The following CRYBG1 variants were observed in gnomAD, a reference collection of about 807,000 sequenced individuals.
The protein encoded by CRYBG1 is crystallin beta-gamma domain containing 1.
CRYBG1 carries 139 observed loss-of-function variants against 189.2 expected under a neutral mutation model. That is an observed-to-expected ratio of 0.73 (90% CI 0.64 to 0.85). CRYBG1 has a LOEUF of 0.85. Ranked by LOEUF, CRYBG1 falls within the 40% of genes least tolerant of loss-of-function variation. The pLI is 0.00. For synonymous variants in CRYBG1, 1,023 were observed against 1,017.1 expected (o/e 1.01, Z -0.11); for missense variants, 2,611 against 2,675.8 (o/e 0.98, Z 0.53).
In CRYBG1 at chr6:106,519,649, A is replaced by G. The variant is rs1364238821; in HGVS notation, c.2441A>G (p.Glu814Gly). 3 of 1,614,032 alleles carry G rather than the reference A, an allele frequency of 1.9e-6. No individual in the cohort carries two copies. The Admixed American group carries it at 5.0e-5, about 27-fold the overall frequency. ...CCTGTCAAGGATCATAAGCTCTTAG[A>G]GAAGGAGGACTCAGAGGCTGCAGAC... ...LIPVKDHKLL[E>G]KEDSEAADSK... The change falls in exon 4 of 22, where the codon GAG becomes GGG. Residue 814 changes from glutamate (E) to glycine (G), a missense_variant. Coordinates refer to ENST00000633556, the MANE Select transcript of CRYBG1 (RefSeq NM_001371242.2).
intron 1 of CRYBG1, among the ~76,000 whole-genome samples, chr6:106,363,592 G>A (rs1771922187): frequency 2.0e-5 from 3 of 152,144 alleles, no homozygotes; most frequent in Admixed American, 2.0e-4. Context: ...GGAAGTGATG[G>A]AATTTGGCTG....
chr6:106,564,050 C>T, intron 21 of CRYBG1, 124 bp downstream of exon 21: 1 of 1,037,100 alleles, frequency 9.6e-7, no homozygotes, highest in South Asian at 1.6e-5. Flanking sequence ...AGAGCCCCTA[C>T]TGTGTGCCAG....
Position 106,561,363 on chromosome 6 carries a change from C to T in CRYBG1, c.6001C>T (p.Arg2001Ter), listed in dbSNP as rs905650846. The T allele has an allele frequency of 8.1e-6, 13 of 1,613,534 alleles. No individual in the cohort carries two copies. The highest frequency in any genetic ancestry group is 2.2e-5 in the East Asian group (1 of 44,888). ...CTAGAAGCGAATTTATTTCAGACTT[C>T]GAAACAAAGCAACAGGGTTATTCAT... ...FVQKRIYFRLRNKATGLFMST... is the reference protein window; with the variant it reads ...FVQKRIYFRL Residue 2001 changes from arginine (R) to a stop codon, truncating the protein, a stop_gained, in exon 20 of 22, where the codon CGA becomes TGA. Coordinates refer to ENST00000633556, the MANE Select transcript of CRYBG1 (RefSeq NM_001371242.2). LOFTEE classifies it high-confidence loss of function.
At chr6:106,411,976 T>G (rs1190242865) in intron 1 of CRYBG1, among the ~76,000 whole-genome samples, 1 of 152,244 alleles carries the variant, frequency 6.6e-6, no homozygotes, top group Admixed American at 6.5e-5. Context: ...TGGCAGCCAA[T>G]TGGATGGTGT....
intron 1 of CRYBG1, among the ~76,000 whole-genome samples, chr6:106,432,004 C>G (rs558909171): frequency 6.6e-6 from 1 of 152,150 alleles, no homozygotes; most frequent in East Asian, 1.9e-4. Flanking sequence ...TGGGTAGGAC[C>G]CTGTTTTAGT....
At chr6:106,426,503 A>G (rs4946750) in intron 1 of CRYBG1, among the ~76,000 whole-genome samples, 78,319 of 152,006 alleles carry the variant, frequency 0.52, 20,552 homozygotes, top group East Asian at 0.75. Context: ...ACCCACTCCA[A>G]TTGGGCTCCT....
chr6:106,390,763 G>A (rs1227170747), intron 1 of CRYBG1, among the ~76,000 whole-genome samples: 1 of 152,046 alleles, frequency 6.6e-6, no homozygotes, highest in Non-Finnish European at 1.5e-5. Context: ...TTATTGCTAT[G>A]TAATATTTTA....
At chr6:106,534,857 C>T (rs898893) in intron 8 of CRYBG1, among the ~76,000 whole-genome samples, 67,216 of 151,544 alleles carry the variant, frequency 0.44, 15,483 homozygotes, top group South Asian at 0.53. Context: ...ATATTTATGA[C>T]GAACAAAAGC....
At chr6:106,466,781 C>T (rs775282238) in intron 2 of CRYBG1, among the ~76,000 whole-genome samples, 2 of 152,110 alleles carry the variant, frequency 1.3e-5, no homozygotes, top group Non-Finnish European at 2.9e-5. Context: ...GAGAATGGTA[C>T]AGAAAGGAAC....
chr6:106,493,405 G>A (rs1772768464), intron 2 of CRYBG1, among the ~76,000 whole-genome samples: 1 of 152,162 alleles, frequency 6.6e-6, no homozygotes, highest in Non-Finnish European at 1.5e-5. Context: ...AATATAAAAT[G>A]GTGCAGCTAC....
chr6:106,446,495 A>G (rs1771666609), intron 1 of CRYBG1, among the ~76,000 whole-genome samples: 1 of 152,368 alleles, frequency 6.6e-6, no homozygotes, highest in Middle Eastern at 3.4e-3. Flanking sequence ...GCATCAATTT[A>G]TAACTTATAA....
intron 2 of CRYBG1, among the ~76,000 whole-genome samples, chr6:106,456,585 T>G (rs1009008772): frequency 1.3e-5 from 2 of 152,244 alleles, no homozygotes; most frequent in African/African-American, 4.8e-5. Flanking sequence ...AAACATTGGT[T>G]GAGGTAGCAG....
At chr6:106,455,923 AGTAACTCTAAT>A (rs997215597) in intron 2 of CRYBG1, among the ~76,000 whole-genome samples, 1 of 152,124 alleles carries the variant, frequency 6.6e-6, no homozygotes, top group African/African-American at 2.4e-5. Context: ...TCAAAACAAA[AGTAACTCTAAT>A]CTATAGACTA....
chr6:106,442,948 C>T lies in CRYBG1; in HGVS notation c.174-8746C>T, dbSNP rs114323126. Among the ~76,000 whole-genome samples, 396 of 152,276 alleles carry T rather than the reference C, an allele frequency of 2.6e-3. 2 individuals are homozygous for T. The highest frequency in any genetic ancestry group is 9.0e-3 in the African/African-American group (372 of 41,556). ...TGAAGTTAGGGCTTTATTCTGTAGACAGTGCTGAGCTATCTGTTGGTTTTC... is the reference window on the plus strand; with the variant it reads ...TGAAGTTAGGGCTTTATTCTGTAGATAGTGCTGAGCTATCTGTTGGTTTTC... On this transcript the variant is annotated intron_variant, in intron 1 of 21. Transcript: ENST00000633556.
chr6:106,512,964 C>T lies in CRYBG1; in HGVS notation c.1847C>T (p.Ala616Val), dbSNP rs969865981. ...GGCAGAGCGGCCGGAGCGCCTGGAGCTTCTGACGCCGACGGCTTGAAGCCC... is the reference window on the plus strand; with the variant it reads ...GGCAGAGCGGCCGGAGCGCCTGGAGTTTCTGACGCCGACGGCTTGAAGCCC... ...ELGRAAGAPG[A>V]SDADGLKPRN... Residue 616 changes from alanine to valine, a missense_variant, in exon 3 of 22, where the codon GCT (alanine) becomes GTT (valine). Physicochemically the swap from Ala to Val is moderately conservative, Grantham distance 64 (BLOSUM62 0). This residue lies in a region of CRYBG1 where 985 missense variants were observed against 924.4 expected (regional missense o/e 1.07). Transcript: ENST00000633556. The T allele has an allele frequency of 3.7e-6, 6 of 1,611,062 alleles. No homozygotes were observed. Among genetic ancestry groups the T allele is most frequent in the African/African-American group, 1.3e-5 (1 of 74,922 alleles).
intron 2 of CRYBG1, among the ~76,000 whole-genome samples, chr6:106,475,723 A>G (rs1230438541): frequency 6.6e-6 from 1 of 152,246 alleles, no homozygotes; most frequent in African/African-American, 2.4e-5. Flanking sequence ...TCTGAGATAC[A>G]GATGGTAGGA....
intron 1 of CRYBG1, among the ~76,000 whole-genome samples, chr6:106,426,597 A>G (rs1468442077): frequency 6.6e-6 from 1 of 152,164 alleles, no homozygotes; most frequent in Non-Finnish European, 1.5e-5. Flanking sequence ...CCCACAGCCA[A>G]CATCAGAATA....
Position 106,377,930 on chromosome 6 carries a change from C to T in CRYBG1, c.173+16849C>T, listed in dbSNP as rs1770203630. 1.3e-5 allele frequency among the ~76,000 whole-genome samples: 2 copies of T among 152,088 alleles called. 1 individual carries two copies. The highest frequency in any genetic ancestry group is 4.1e-4 in the South Asian group (2 of 4,828). Reference sequence around the variant, plus strand: ...ACTTGGGTTTTAATTTTAGATTTCTCAGTTACAAATTAGGTGACTTTTAAG... The same window carrying T: ...ACTTGGGTTTTAATTTTAGATTTCTTAGTTACAAATTAGGTGACTTTTAAG... On this transcript the variant is annotated intron_variant, in intron 1 of 21. Transcript: ENST00000633556.
intron 1 of CRYBG1, among the ~76,000 whole-genome samples, chr6:106,401,197 C>T (rs1770712942): frequency 6.6e-6 from 1 of 152,128 alleles, no homozygotes; most frequent in Non-Finnish European, 1.5e-5. Flanking sequence ...ACCTACAGAG[C>T]AAATAATAGA....
Sources: allele counts gnomAD v4.1 joint callset (sites outside exome capture counted in the v4.1 genomes callset), GRCh38; gene constraint gnomAD v4.1.1; regional missense constraint gnomAD v4.1.1; transcripts MANE v1.5; gene names NCBI Gene and HGNC (gene_info 2026-07-23, HGNC 2026-07-21).